The following DISC1 variants were observed in gnomAD, a reference collection of about 807,000 sequenced individuals.
DISC1 encodes the protein DISC1 scaffold protein, also known as disrupted in schizophrenia 1 protein.
Under a neutral mutation model 84.5 loss-of-function variants are expected in DISC1, and 57 were observed. The observed-to-expected ratio is 0.67, with a 90% CI of 0.55 to 0.84. The LOEUF is 0.84. DISC1 is among the 40% of genes least tolerant of loss of function. The probability of loss-of-function intolerance (pLI) is 0.00; values close to 1 mark genes in which losing one functional copy is unlikely to be tolerated. For synonymous variants in DISC1, 411 were observed against 415.2 expected, an observed-to-expected ratio of 0.99 and a Z score of 0.12; for missense variants, 1,000 against 1,057.8, an observed-to-expected ratio of 0.95 and a Z score of 0.76.
At chr1:231,871,133 C>T (rs2085429304) in intron 9 of DISC1, among the ~76,000 whole-genome samples, 1 of 152,176 alleles carries the variant, frequency 6.6e-6, no homozygotes, top group Non-Finnish European at 1.5e-5. Context: ...ATGCAGCGAG[C>T]CCAGGGCCTT....
At chr1:231,849,712 T>C (rs908635951) in intron 9 of DISC1, among the ~76,000 whole-genome samples, 2 of 95,632 alleles carry the variant, frequency 2.1e-5, no homozygotes, top group African/African-American at 2.8e-5. Context: ...TGAGTTATTA[T>C]ACAAGCTCGT....
chr1:231,844,585 G>A (rs2083308821), intron 9 of DISC1, among the ~76,000 whole-genome samples: 1 of 152,136 alleles, frequency 6.6e-6, no homozygotes, highest in East Asian at 1.9e-4. Context: ...ACAACTTGAA[G>A]CAAGTTGGGC....
At position 232,009,489 on chromosome 1, in the gene DISC1, A is replaced by G; in HGVS notation, c.2307+440A>G. The G allele has an allele frequency of 6.0e-6, 4 of 662,742 alleles. No individual in the cohort carries two copies. The highest frequency in any genetic ancestry group is 7.5e-6 in the Non-Finnish European group (4 of 536,428). The allele number at this position is 662,742 out of a possible 1,614,324, so 41.1% of individuals were successfully genotyped here. A position where few individuals can be genotyped will look rare whatever the true frequency, so the allele number is the denominator to read the frequency against. ...ATTTAGAATCTATATATTACAATAT[A>G]TTATTATTTATTTGAATGAAACATT... On this transcript the variant is annotated intron_variant, in intron 11 of 12. Transcript: ENST00000439617. This position sits in a 1 kb window ranked among gnomAD's most constrained non-coding sequence, Gnocchi z 4.6.
At chr1:231,918,956 T>C (rs1425321228) in intron 9 of DISC1, among the ~76,000 whole-genome samples, 2 of 152,224 alleles carry the variant, frequency 1.3e-5, no homozygotes, top group African/African-American at 2.4e-5. Context: ...CCCTATGCAA[T>C]AGAGTTTTTC....
chr1:231,919,835 GATACAAATCAGATCTGT>G (rs1431469463), intron 9 of DISC1, among the ~76,000 whole-genome samples: 1 of 152,148 alleles, frequency 6.6e-6, no homozygotes, highest in Non-Finnish European at 1.5e-5. Flanking sequence ...GGTGTGCCTT[GATACAAATCAGATCTGT>G]ATACTTGTGT....
chr1:231,839,875 C>G (rs962420324), intron 9 of DISC1, among the ~76,000 whole-genome samples: 2 of 151,982 alleles, frequency 1.3e-5, no homozygotes, highest in African/African-American at 4.8e-5. Flanking sequence ...TTTAAACAAC[C>G]GGATCTTGTG....
chr1:231,878,009 A>G (rs1250278022), intron 9 of DISC1, among the ~76,000 whole-genome samples: 1 of 152,280 alleles, frequency 6.6e-6, no homozygotes, highest in Non-Finnish European at 1.5e-5. Context: ...TTAAACATTA[A>G]GAATCAAACT....
chr1:231,978,410 A>G lies in DISC1; in HGVS notation c.2042+19522A>G, dbSNP rs114065804. 3.8e-3 allele frequency among the ~76,000 whole-genome samples: 581 copies of G among 152,298 alleles called. 5 individuals carry two copies. The highest frequency in any genetic ancestry group is 0.013 in the African/African-American group (556 of 41,562). ...CATTCAGTTTTCATTTTTAGCCAGA[A>G]TTCTTATATAAAAAAATAAACTTTC... On this transcript the variant is annotated intron_variant, in intron 10 of 12. Coordinates refer to ENST00000439617, the MANE Select transcript of DISC1 (RefSeq NM_018662.3).
intron 9 of DISC1, among the ~76,000 whole-genome samples, chr1:231,945,431 C>T (rs1051186257): frequency 2.6e-5 from 4 of 152,114 alleles, no homozygotes; most frequent in Admixed American, 2.6e-4. Context: ...AAAGACACAA[C>T]AAAGCAGAAT....
chr1:231,687,251 T>TA (rs1335063521), intron 1 of DISC1, among the ~76,000 whole-genome samples: 1 of 152,188 alleles, frequency 6.6e-6, no homozygotes, highest in East Asian at 1.9e-4. Flanking sequence ...AGTCCATTTT[T>TA]ATGCTGCTGA....
At chr1:231,789,446 G>A (rs750665606) in intron 6 of DISC1, among the ~76,000 whole-genome samples, 7 of 152,192 alleles carry the variant, frequency 4.6e-5, no homozygotes, top group Non-Finnish European at 1.0e-4. Flanking sequence ...CATTTTATTT[G>A]ACATGCTTGT....
chr1:231,955,843 C>T (rs1439678227), intron 9 of DISC1, among the ~76,000 whole-genome samples: 1 of 152,154 alleles, frequency 6.6e-6, no homozygotes, highest in Non-Finnish European at 1.5e-5. Flanking sequence ...GCTATTGTCT[C>T]TACCTTTAAA....
At chr1:231,972,990 A>G (rs1662224707) in intron 10 of DISC1, among the ~76,000 whole-genome samples, 1 of 151,872 alleles carries the variant, frequency 6.6e-6, no homozygotes, top group Admixed American at 6.6e-5. Flanking sequence ...GATGGATTCC[A>G]GTCAATTGTA....
At chr1:231,825,234 C>G (rs896253171) in intron 9 of DISC1, among the ~76,000 whole-genome samples, 6 of 152,138 alleles carry the variant, frequency 3.9e-5, no homozygotes, top group Non-Finnish European at 8.8e-5. Flanking sequence ...TCACTTACCC[C>G]CTGGGTGGAA....
intron 9 of DISC1, among the ~76,000 whole-genome samples, chr1:231,885,740 G>A (rs1385311660): frequency 6.6e-6 from 1 of 152,166 alleles, no homozygotes; most frequent in Non-Finnish European, 1.5e-5. Context: ...TTCTAATAGT[G>A]TCTATGGTGG....
At chr1:231,838,745 G>A (rs988441002) in intron 9 of DISC1, among the ~76,000 whole-genome samples, 5 of 152,160 alleles carry the variant, frequency 3.3e-5, no homozygotes, top group South Asian at 2.1e-4. Flanking sequence ...ATTTTTGCTC[G>A]TTGTATGGAT....
At chr1:231,950,811 T>G (rs1039402404) in intron 9 of DISC1, among the ~76,000 whole-genome samples, 11 of 152,194 alleles carry the variant, frequency 7.2e-5, no homozygotes, top group African/African-American at 2.7e-4. Flanking sequence ...TTTTTAAACC[T>G]GGTGGAGCTT....
intron 9 of DISC1, chr1:231,866,801 CATG>C: frequency 9.3e-7 from 1 of 1,074,402 alleles, no homozygotes; most frequent in Non-Finnish European, 1.2e-6. Context: ...TAATTAAAGT[CATG>C]ATAGTTTCTT....
intron 9 of DISC1, among the ~76,000 whole-genome samples, chr1:231,921,194 G>T (rs1387850180): frequency 6.6e-6 from 1 of 152,038 alleles, no homozygotes; most frequent in Non-Finnish European, 1.5e-5. Context: ...GATTATAGGC[G>T]TGAGCCACTG....
Sources: allele counts gnomAD v4.1 joint callset (sites outside exome capture counted in the v4.1 genomes callset), GRCh38; gene constraint gnomAD v4.1.1; non-coding constraint Gnocchi (gnomAD v3.1); transcripts MANE v1.5; gene names NCBI Gene and HGNC (gene_info 2026-07-23, HGNC 2026-07-21).